CFAP91: variants seen among roughly 807,000 people sequenced by gnomAD.
CFAP91 encodes the protein cilia- and flagella-associated protein 91.
A neutral mutation model predicts 95.9 loss-of-function variants in CFAP91; 85 were observed. The ratio of observed to expected loss-of-function variants is 0.89; its 90% CI spans 0.74 to 1.06. CFAP91 has a LOEUF of 1.06. Among genes scored for constraint, CFAP91 ranks in the 50% least tolerant of loss-of-function variants. The probability of loss-of-function intolerance (pLI) is 0.00; values close to 1 mark genes in which losing one functional copy is unlikely to be tolerated. For synonymous variants in CFAP91, 335 were observed against 327.5 expected (o/e 1.02, Z -0.25); for missense variants, 962 against 943.4 (o/e 1.02, Z -0.26).
chr3:119,718,134 A>G (rs575530859), intron 6 of CFAP91, among the ~76,000 whole-genome samples: 2 of 152,374 alleles, frequency 1.3e-5, no homozygotes, highest in South Asian at 4.1e-4. Flanking sequence ...GTGACCCACA[A>G]CAAATAAAGG....
chr3:119,733,551 T>G, intron 10 of CFAP91, 45 bp downstream of exon 10: 1 of 1,587,390 alleles, frequency 6.3e-7, no homozygotes, highest in Non-Finnish European at 8.6e-7. Flanking sequence ...GTATGATTTT[T>G]GCAGATAAAT....
rs9817771 is a variant in CFAP91 at position 119,726,245 on chromosome 3, T to A, written c.757T>A (p.Ser253Thr). ...CCGCGAGAAGCGTGCTTGGGAAGCC[T>A]CTCTCCCCGCTCTGAGTGACACCTC... ...RAREKRAWEA[S>T]LPALSDTSQF... Residue 253 changes from serine to threonine, a missense_variant, in exon 7 of 18, where the codon TCT becomes ACT. Ser to Thr is a moderately conservative substitution (Grantham distance 58). Transcript: ENST00000273390. The A allele has an allele frequency of 3.0e-3, 4,809 of 1,613,634 alleles. 121 individuals are homozygous for A. In the African/African-American group the frequency reaches 0.056, roughly 19 times the overall value.
intron 8 of CFAP91, 33 bp from the exon 9 acceptor site, chr3:119,732,261 T>C: frequency 6.6e-7 from 1 of 1,507,160 alleles, no homozygotes; most frequent in Non-Finnish European, 9.1e-7. Flanking sequence ...AACAATATTT[T>C]AGAGATAGTC....
intron 15 of CFAP91, 64 bp downstream of exon 15, chr3:119,747,327 T>C: frequency 6.6e-7 from 1 of 1,526,336 alleles, no homozygotes; most frequent in Non-Finnish European, 8.8e-7. Context: ...TATATATTTT[T>C]TCAAGAGCTT....
At chr3:119,758,914 A>G (rs1361129946) in intron 17 of CFAP91, among the ~76,000 whole-genome samples, 1 of 152,094 alleles carries the variant, frequency 6.6e-6, no homozygotes, top group African/African-American at 2.4e-5. Flanking sequence ...CCCAAATAAG[A>G]ATTCCATTCC....
chr3:119,744,151 G>A lies in CFAP91; in HGVS notation c.1857G>A (p.Gln619=). The change falls in exon 14 of 18, where the codon CAG becomes CAA. Residue 619 remains glutamine, a synonymous_variant. Coordinates refer to ENST00000273390, the MANE Select transcript of CFAP91 (RefSeq NM_033364.4). ...VREAEESGRR[Q]VEKQRLREED... ...AGGCTGAAGAGAGTGGTCGGCGCCA[G>A]GTGGAAAAACAGCGCCTGCGGGAGG... 1 of 1,613,854 alleles carries A rather than the reference G, an allele frequency of 6.2e-7. No individual in the cohort carries two copies. Among genetic ancestry groups the A allele is most frequent in the Non-Finnish European group, 8.5e-7 (1 of 1,179,842 alleles).
rs751806223 is a variant in CFAP91 at position 119,730,677 on chromosome 3, T to A, written c.1018+300T>A. On this transcript the variant is annotated intron_variant, in intron 8 of 17. Coordinates refer to ENST00000273390, the MANE Select transcript of CFAP91 (RefSeq NM_033364.4). ...TGGGATAAGTGTTGGGTTCCCCATA[T>A]TCATGGTCCACAGCCCTGGATAAAG... Among the ~76,000 whole-genome samples the A allele has an allele frequency of 7.0e-4, 106 of 151,034 alleles. 2 individuals carry two copies. The highest frequency in any genetic ancestry group is 1.0e-3 in the Non-Finnish European group (68 of 67,782).
At position 119,708,663 on chromosome 3, in the gene CFAP91, A is replaced by G; in HGVS notation, c.432A>G (p.Lys144=). The G allele has an allele frequency of 1.9e-6, 3 of 1,575,936 alleles. No homozygotes were observed. The highest frequency in any genetic ancestry group is 2.6e-6 in the Non-Finnish European group (3 of 1,151,004). The change falls in exon 4 of 18, where the codon AAA becomes AAG. Residue 144 remains lysine, a synonymous_variant. Transcript: ENST00000273390. ...AAGTTACTGGAAAGAATCGCTATAA[A>G]TACTTTGAAAGGTAGAACATAATTA... ...DPEVTGKNRY[K]YFERPFLPFF...
chr3:119,724,830 C>T (rs112114140), intron 6 of CFAP91, among the ~76,000 whole-genome samples: 1,939 of 152,154 alleles, frequency 0.013, 40 homozygotes, highest in African/African-American at 0.044. Flanking sequence ...CTGCAACCTC[C>T]GCCTCTGGGG....
At chr3:119,719,081 A>G (rs1476845739) in intron 6 of CFAP91, among the ~76,000 whole-genome samples, 1 of 152,236 alleles carries the variant, frequency 6.6e-6, no homozygotes, top group African/African-American at 2.4e-5. Flanking sequence ...GTCTATTCAC[A>G]TAATGGAATT....
rs1332301012 is a variant in CFAP91 at position 119,725,264 on chromosome 3, G to A, written c.683-907G>A. 3.3e-5 allele frequency among the ~76,000 whole-genome samples: 5 copies of A among 152,150 alleles called. No homozygotes were observed. The East Asian group carries it at 7.7e-4, about 23-fold the overall frequency. ...TCCAGGGAGGCATACGTTGGCTTAGGTCTCAGCCAGTGTCTCGGAGCTGGT... is the reference window on the plus strand; with the variant it reads ...TCCAGGGAGGCATACGTTGGCTTAGATCTCAGCCAGTGTCTCGGAGCTGGT... On this transcript the variant is annotated intron_variant, in intron 6 of 17. Coordinates refer to ENST00000273390, the MANE Select transcript of CFAP91 (RefSeq NM_033364.4).
At position 119,740,540 on chromosome 3, in the gene CFAP91, T is replaced by C; in HGVS notation, c.1534-9T>C. ...CTTGCAGGTCTGTCTTTGATTTGAT[T>C]TGATACAGATGTTTGAAGGGAAAGA... On this transcript the variant is annotated splice_polypyrimidine_tract_variant and intron_variant, in intron 12 of 17. Coordinates refer to ENST00000273390, the MANE Select transcript of CFAP91 (RefSeq NM_033364.4). The C allele has an allele frequency of 6.2e-7, 1 of 1,612,022 alleles. No homozygotes were observed. Among genetic ancestry groups the C allele is most frequent in the Non-Finnish European group, 8.5e-7 (1 of 1,179,300 alleles).
chr3:119,739,212 A>T, intron 11 of CFAP91, 43 bp from the exon 12 acceptor site: 1 of 1,455,396 alleles, frequency 6.9e-7, no homozygotes, highest in Non-Finnish European at 9.7e-7. Flanking sequence ...TGCTTGGACT[A>T]CTGCAGTTCT....
chr3:119,704,175 A>G (rs911990574), intron 1 of CFAP91, among the ~76,000 whole-genome samples: 5 of 152,028 alleles, frequency 3.3e-5, no homozygotes, highest in African/African-American at 1.2e-4. Context: ...ACACATCACC[A>G]TGTTTTTTTT....
chr3:119,732,266 A>G, intron 8 of CFAP91, 28 bp from the exon 9 acceptor site: 2 of 1,517,998 alleles, frequency 1.3e-6, no homozygotes, highest in Non-Finnish European at 1.8e-6. Flanking sequence ...TATTTTAGAG[A>G]TAGTCATGGA....
chr3:119,715,569 C>G lies in CFAP91; in HGVS notation c.508C>G (p.Pro170Ala). ...CTGATTTTTCTCTTTTAGGGCAGAACCATACACTTTTCCTCCTACTTCTAC... is the reference window on the plus strand; with the variant it reads ...CTGATTTTTCTCTTTTAGGGCAGAAGCATACACTTTTCCTCCTACTTCTAC... ...NVVYAVSKAE[P>A]YTFPPTSTKH... The change falls in exon 6 of 18, where the codon CCA becomes GCA. Residue 170 changes from proline to alanine, a missense_variant. Transcript: ENST00000273390. The G allele has an allele frequency of 6.2e-7, 1 of 1,613,826 alleles. No homozygotes were observed.
chr3:119,733,250 C>G, intron 9 of CFAP91, 114 bp from the exon 10 acceptor site: 1 of 1,009,020 alleles, frequency 9.9e-7, no homozygotes, highest in Admixed American at 2.6e-5. Context: ...GAGATACACC[C>G]TCTCAACAAT....
intron 14 of CFAP91, 87 bp from the exon 15 acceptor site, chr3:119,747,028 G>T (rs1172693808): frequency 1.9e-6 from 2 of 1,080,336 alleles, no homozygotes; most frequent in Non-Finnish European, 1.3e-6. Context: ...ATATGAGCTA[G>T]AAAAAGTTAA....
In CFAP91 at chr3:119,747,143, G is replaced by A; in HGVS notation, c.1931G>A (p.Ser644Asn). Residue 644 changes from serine (S) to asparagine (N), a missense_variant, in exon 15 of 18, where the codon AGC becomes AAC. By Grantham distance (46) the Ser-to-Asn change is conservative. Transcript: ENST00000273390. The stretch of plus-strand genomic sequence containing the variant: ...GTTAAAGTTCACCATAGTACTATAA[G>A]CTCCTACCTAGAAGACATAATACTG... Reference protein sequence around the residue: ...EVVKVHHSTISSYLEDIILNT... With the variant: ...EVVKVHHSTINSYLEDIILNT... The A allele has an allele frequency of 1.2e-6, 2 of 1,610,462 alleles. No homozygotes were observed. The highest frequency in any genetic ancestry group is 8.5e-7 in the Non-Finnish European group (1 of 1,178,490).
Sources: allele counts gnomAD v4.1 joint callset (sites outside exome capture counted in the v4.1 genomes callset), GRCh38; gene constraint gnomAD v4.1.1; transcripts MANE v1.5; gene names NCBI Gene and HGNC (gene_info 2026-07-23, HGNC 2026-07-21).